CPN1: variants seen among roughly 807,000 people sequenced by gnomAD.
The protein encoded by CPN1 is carboxypeptidase N catalytic chain.
CPN1 carries 37 observed loss-of-function variants against 46.4 expected under a neutral mutation model. That is an observed-to-expected ratio of 0.80 (90% CI 0.61 to 1.05). The LOEUF is 1.05. Among genes scored for constraint, CPN1 ranks in the 50% least tolerant of loss-of-function variants. The pLI, the probability that CPN1 is intolerant of heterozygous loss-of-function variation, is 0.00. For missense variants in CPN1, 563 were observed against 602.6 expected (o/e 0.93, Z 0.69); for synonymous variants, 224 against 235.4 (o/e 0.95, Z 0.44).
chr10:100,050,686 G>A (rs889539191), intron 7 of CPN1, among the ~76,000 whole-genome samples: 1 of 152,124 alleles, frequency 6.6e-6, no homozygotes, highest in Non-Finnish European at 1.5e-5. Flanking sequence ...GTGCAGTGGT[G>A]CTATCATAGC....
At chr10:100,057,800 C>T (rs2862925) in intron 5 of CPN1, among the ~76,000 whole-genome samples, 57,790 of 151,686 alleles carry the variant, frequency 0.38, 11,387 homozygotes, top group Non-Finnish European at 0.43. Flanking sequence ...GTGATGATAG[C>T]AGGTCATACA....
rs969788040 is a variant in CPN1 at position 100,076,163 on chromosome 10, T to C, written c.224-56A>G. On this transcript the variant is annotated intron_variant, in intron 1 of 8. Coordinates refer to ENST00000370418, the MANE Select transcript of CPN1 (RefSeq NM_001308.3). ...TGGAAGTGTCATTGATGCCTAACCT[T>C]GCAGAAGGACCTTTTTTCTCTTTTT... 2.0e-5 allele frequency: 30 copies of C among 1,537,450 alleles called. No homozygotes were observed. The South Asian group carries it at 3.4e-4, about 17-fold the overall frequency.
At chr10:100,064,366 A>G (rs578218921) in intron 4 of CPN1, among the ~76,000 whole-genome samples, 1 of 148,728 alleles carries the variant, frequency 6.7e-6, no homozygotes, top group Non-Finnish European at 1.5e-5. Flanking sequence ...GATATATTAT[A>G]TATTAATATA....
At chr10:100,075,008 T>C (rs1009324532) in intron 2 of CPN1, among the ~76,000 whole-genome samples, 2 of 152,070 alleles carry the variant, frequency 1.3e-5, no homozygotes, top group Non-Finnish European at 2.9e-5. Flanking sequence ...TAAAAAGTCC[T>C]GCCAGGCACG....
intron 7 of CPN1, among the ~76,000 whole-genome samples, chr10:100,053,017 C>T (rs189689302): frequency 1.7e-4 from 26 of 152,126 alleles, no homozygotes; most frequent in African/African-American, 3.4e-4. Flanking sequence ...ATGATTCCTA[C>T]GACTCAGAAA....
chr10:100,079,436 A>G (rs1000151001), intron 1 of CPN1, among the ~76,000 whole-genome samples: 1 of 152,256 alleles, frequency 6.6e-6, no homozygotes, highest in African/African-American at 2.4e-5. Flanking sequence ...AGTCCTGTGA[A>G]AAAGCTTCAA....
intron 7 of CPN1, among the ~76,000 whole-genome samples, chr10:100,049,790 G>A (rs958710041): frequency 2.0e-5 from 3 of 152,050 alleles, no homozygotes; most frequent in African/African-American, 7.2e-5. Flanking sequence ...CAGCTCCTAC[G>A]AAGCAGGAAT....
rs973798637 is a variant in CPN1, at chr10:100,042,370, A to G, written c.*57T>C. 2 of 1,603,488 alleles carry G rather than the reference A, an allele frequency of 1.2e-6. No individual in the cohort carries two copies. The highest frequency in any genetic ancestry group is 2.7e-5 in the African/African-American group (2 of 74,686). On this transcript the variant is annotated 3_prime_UTR_variant, in exon 9 of 9. Transcript: ENST00000370418. The stretch of plus-strand genomic sequence containing the variant: ...GATAATAAAATAGAAAGAATGCTTG[A>G]TCTGATCTGAGAGCAGGAGCAAAGC...
At chr10:100,072,120 G>C (rs1488954573) in intron 2 of CPN1, among the ~76,000 whole-genome samples, 2 of 152,114 alleles carry the variant, frequency 1.3e-5, no homozygotes, top group African/African-American at 4.8e-5. Context: ...GTAGATATCT[G>C]TAAGTAGAAC....
rs1214682353 is a variant in CPN1 at position 100,065,184 on chromosome 10, A to G, written c.759+4T>C. The G allele has an allele frequency of 6.2e-7, 1 of 1,611,962 alleles. No homozygotes were observed. Among genetic ancestry groups the G allele is most frequent in the South Asian group, 1.1e-5 (1 of 90,968 alleles). On this transcript the variant is annotated splice_donor_region_variant and intron_variant, in intron 4 of 8. Transcript: ENST00000370418. The stretch of plus-strand genomic sequence containing the variant: ...CTGGCGGGACAAGCTGCTTCTCCAC[A>G]TACCTTCTGGAAGAGCTTGTCGTCA...
At chr10:100,072,325 G>A (rs926195238) in intron 2 of CPN1, among the ~76,000 whole-genome samples, 2 of 151,930 alleles carry the variant, frequency 1.3e-5, no homozygotes, top group Non-Finnish European at 2.9e-5. Flanking sequence ...ACAGGCACGC[G>A]CCACAACACC....
intron 2 of CPN1, among the ~76,000 whole-genome samples, chr10:100,071,249 A>G (rs2041482949): frequency 6.6e-6 from 1 of 152,208 alleles, no homozygotes; most frequent in Non-Finnish European, 1.5e-5. Flanking sequence ...CTGCCATAAC[A>G]ATCACCACAA....
At chr10:100,047,259 A>G (rs1353452254) in intron 8 of CPN1, among the ~76,000 whole-genome samples, 2 of 152,000 alleles carry the variant, frequency 1.3e-5, no homozygotes, top group African/African-American at 4.8e-5. Context: ...GAGGAGGACA[A>G]GGAAGAGGAG....
At chr10:100,047,975 A>G (rs934179946) in intron 8 of CPN1, among the ~76,000 whole-genome samples, 2 of 151,964 alleles carry the variant, frequency 1.3e-5, no homozygotes, top group Non-Finnish European at 2.9e-5. Flanking sequence ...CTGGGCAACA[A>G]GAGCGAAACC....
At position 100,081,646 on chromosome 10, in the gene CPN1, A is replaced by C; in HGVS notation, c.-21T>G. 4 of 1,609,466 alleles carry C rather than the reference A, an allele frequency of 2.5e-6. No homozygotes were observed. Among genetic ancestry groups the C allele is most frequent in the Non-Finnish European group, 3.4e-6 (4 of 1,176,336 alleles). Reference sequence around the variant, plus strand: ...GACATCTTGCTGGGCTTTTTCAAAGAGAGCCACTGAAACGCGCCCCACCTC... The same window carrying C: ...GACATCTTGCTGGGCTTTTTCAAAGCGAGCCACTGAAACGCGCCCCACCTC... On this transcript the variant is annotated 5_prime_UTR_variant, in exon 1 of 9. Coordinates refer to ENST00000370418, the MANE Select transcript of CPN1 (RefSeq NM_001308.3).
intron 3 of CPN1, 141 bp downstream of exon 3, chr10:100,069,573 T>C (rs2041472849): frequency 8.3e-6 from 8 of 967,478 alleles, no homozygotes; most frequent in Admixed American, 5.2e-5. Flanking sequence ...ATATATATTA[T>C]TGCTCTAGAT....
chr10:100,068,707 G>T (rs1232855862), intron 3 of CPN1, among the ~76,000 whole-genome samples: 1 of 151,994 alleles, frequency 6.6e-6, no homozygotes, highest in Non-Finnish European at 1.5e-5. Context: ...GCTAAATTTT[G>T]TATTTTTATT....
At chr10:100,072,727 G>T (rs773150535) in intron 2 of CPN1, among the ~76,000 whole-genome samples, 5 of 152,184 alleles carry the variant, frequency 3.3e-5, no homozygotes, top group Non-Finnish European at 7.3e-5. Context: ...CTCTCAGATA[G>T]ACACTGGGGA....
At chr10:100,042,981 C>T (rs1353209884) in intron 8 of CPN1, among the ~76,000 whole-genome samples, 2 of 151,280 alleles carry the variant, frequency 1.3e-5, no homozygotes, top group African/African-American at 4.9e-5. Context: ...ATAGTCCCAG[C>T]TACTCAGGAG....
Sources: gnomAD v4.1 joint callset for allele counts (sites outside exome capture counted in the v4.1 genomes callset) on GRCh38, gnomAD v4.1.1 for gene constraint, MANE v1.5 for transcripts, NCBI Gene and HGNC (gene_info 2026-07-23, HGNC 2026-07-21) for gene names.